Variants in RBFOX1 observed in about 807,000 individuals in gnomAD.
RBFOX1 encodes the protein RNA binding protein fox-1 homolog 1.
Under a neutral mutation model 57.7 loss-of-function variants are expected in RBFOX1, and 8 were observed. The ratio of observed to expected loss-of-function variants is 0.14; its 90% CI spans 0.08 to 0.25. The LOEUF (loss-of-function observed/expected upper bound fraction) is 0.25. RBFOX1 is among the 10% of genes least tolerant of loss of function. The probability of loss-of-function intolerance (pLI) is 1.00; values close to 1 mark genes in which losing one functional copy is unlikely to be tolerated. For missense variants in RBFOX1, 611 were observed against 548.5 expected, an observed-to-expected ratio of 1.11 and a Z score of -1.14; for synonymous variants, 326 against 222.4, an observed-to-expected ratio of 1.47 and a Z score of -4.15.
At chr16:5,693,421 G>C (rs2050754108) in intron 3 of RBFOX1, among the ~76,000 whole-genome samples, 1 of 150,394 alleles carries the variant, frequency 6.6e-6, no homozygotes, top group African/African-American at 2.4e-5. Flanking sequence ...CACTGCAATG[G>C]ATACGCCTGA....
At chr16:7,050,474 C>T (rs931798232) in intron 3 of RBFOX1, among the ~76,000 whole-genome samples, 1 of 151,988 alleles carries the variant, frequency 6.6e-6, no homozygotes, top group African/African-American at 2.4e-5. Flanking sequence ...CCATATTGGC[C>T]AGGTTTGTCT....
intron 3 of RBFOX1, among the ~76,000 whole-genome samples, chr16:5,856,187 C>CTCTCTCTCTCTCTCTA (rs1430331422): frequency 6.4e-5 from 2 of 31,064 alleles, no homozygotes; most frequent in Non-Finnish European, 1.1e-4. Context: ...CTCTCTCTCT[C>CTCTCTCTCTCTCTCTA]TATATATATA....
intron 3 of RBFOX1, among the ~76,000 whole-genome samples, chr16:5,797,075 C>G (rs1384034267): frequency 6.6e-6 from 1 of 152,104 alleles, no homozygotes; most frequent in Non-Finnish European, 1.5e-5. Flanking sequence ...GTGATCAAGA[C>G]TGGTAGATGG....
chr16:6,487,360 C>T (rs1201809654), intron 2 of RBFOX1, among the ~76,000 whole-genome samples: 1 of 151,966 alleles, frequency 6.6e-6, no homozygotes, highest in African/African-American at 2.4e-5. Context: ...TGTTGAGGTG[C>T]TTGCATAACC....
intron 1 of RBFOX1, among the ~76,000 whole-genome samples, chr16:6,270,492 C>T (rs192574965): frequency 5.4e-5 from 8 of 147,526 alleles, no homozygotes; most frequent in East Asian, 3.9e-4. Flanking sequence ...GAAATAGAGA[C>T]GATATGTAAT....
intron 1 of RBFOX1, among the ~76,000 whole-genome samples, chr16:5,463,343 A>C (rs1258250519): frequency 1.3e-5 from 2 of 152,160 alleles, no homozygotes; most frequent in Non-Finnish European, 2.9e-5. Flanking sequence ...TTTTCAAGTG[A>C]CTGTTCTATG....
chr16:5,961,775 G>C (rs12445020), intron 4 of RBFOX1, among the ~76,000 whole-genome samples: 40,691 of 152,074 alleles, frequency 0.27, 5,667 homozygotes, highest in Admixed American at 0.33. Context: ...CAGTCCTCCT[G>C]CCTCAGCCTT....
At chr16:5,925,150 C>T (rs577869600) in intron 4 of RBFOX1, among the ~76,000 whole-genome samples, 1 of 152,326 alleles carries the variant, frequency 6.6e-6, no homozygotes, top group Non-Finnish European at 1.5e-5. Flanking sequence ...TGCAGACAAA[C>T]TTCCCTTGAC....
chr16:5,462,350 A>G (rs1481362552), intron 1 of RBFOX1, among the ~76,000 whole-genome samples: 1 of 151,510 alleles, frequency 6.6e-6, no homozygotes, highest in Non-Finnish European at 1.5e-5. Flanking sequence ...TTGTATTTTT[A>G]GTAGAGACGG....
chr16:7,274,071 G>C (rs1470554800), intron 4 of RBFOX1, among the ~76,000 whole-genome samples: 1 of 152,190 alleles, frequency 6.6e-6, no homozygotes, highest in African/African-American at 2.4e-5. Context: ...GAAAACATAA[G>C]TGTGGAATTT....
intron 3 of RBFOX1, among the ~76,000 whole-genome samples, chr16:6,766,500 G>C (rs2077349736): frequency 6.6e-6 from 1 of 151,880 alleles, no homozygotes; most frequent in African/African-American, 2.4e-5. Flanking sequence ...AGGGGAATGA[G>C]AAAATATTCC....
intron 4 of RBFOX1, among the ~76,000 whole-genome samples, chr16:5,877,920 CCATCTGTGTTTAAGCTAGTCCT>C (rs1394969014): frequency 6.6e-6 from 1 of 152,128 alleles, no homozygotes; most frequent in Admixed American, 6.6e-5. Flanking sequence ...TGCTTCTGCC[CCATCTGTGTTTAAGCTAGTCCT>C]CAATTTGGTC....
chr16:5,846,531 A>T (rs897865355), intron 3 of RBFOX1, among the ~76,000 whole-genome samples: 1 of 152,132 alleles, frequency 6.6e-6, no homozygotes. Flanking sequence ...AACTGGGTAG[A>T]TGGAGGAATG....
At chr16:7,153,655 C>T (rs1458431898) in intron 4 of RBFOX1, among the ~76,000 whole-genome samples, 1 of 146,328 alleles carries the variant, frequency 6.8e-6, no homozygotes, top group Non-Finnish European at 1.5e-5. Flanking sequence ...GAGGCTGAGG[C>T]AGGAGAATCG....
intron 3 of RBFOX1, among the ~76,000 whole-genome samples, chr16:5,713,009 A>G (rs1244014461): frequency 1.3e-5 from 2 of 152,164 alleles, no homozygotes; most frequent in Non-Finnish European, 2.9e-5. Flanking sequence ...TAATTTGAGA[A>G]TAGTGGATGA....
intron 3 of RBFOX1, among the ~76,000 whole-genome samples, chr16:6,817,574 C>G (rs906348870): frequency 1.3e-5 from 2 of 149,926 alleles, no homozygotes; most frequent in African/African-American, 4.9e-5. Flanking sequence ...GATTTGGTGG[C>G]GCATGCGTGT....
intron 9 of RBFOX1, among the ~76,000 whole-genome samples, chr16:7,604,527 C>T (rs1423527239): frequency 1.3e-5 from 2 of 152,040 alleles, no homozygotes; most frequent in Non-Finnish European, 2.9e-5. Context: ...GAAGAGATTG[C>T]CATGTGCAGA....
At chr16:5,878,854 T>C (rs2057689640) in intron 4 of RBFOX1, among the ~76,000 whole-genome samples, 4 of 152,156 alleles carry the variant, frequency 2.6e-5, no homozygotes, top group Admixed American at 2.0e-4. Context: ...AATAGGAGGG[T>C]TGGAACAAAA....
At chr16:7,243,991 C>G (rs1361913476) in intron 4 of RBFOX1, among the ~76,000 whole-genome samples, 1 of 110,190 alleles carries the variant, frequency 9.1e-6, no homozygotes, top group Non-Finnish European at 1.9e-5. Context: ...TTTCTTTTTT[C>G]CTGGAGAGAA....
Sources: gnomAD v4.1 joint callset for allele counts (sites outside exome capture counted in the v4.1 genomes callset) on GRCh38, gnomAD v4.1.1 for gene constraint, MANE v1.5 for transcripts, NCBI Gene and HGNC (gene_info 2026-07-23, HGNC 2026-07-21) for gene names.